Variants in CEP131 observed in about 807,000 individuals in gnomAD.
CEP131 encodes centrosomal protein 131, also known as centrosomal protein of 131 kDa.
In CEP131, 99 loss-of-function variants were observed where a neutral mutation model predicts 136.8. That is an observed-to-expected ratio of 0.72 (90% confidence interval 0.62 to 0.86). CEP131 has a LOEUF of 0.86. Among genes scored for constraint, CEP131 ranks in the 40% least tolerant of loss-of-function variants. The probability of loss-of-function intolerance (pLI) is 0.00; values close to 1 mark genes in which losing one functional copy is unlikely to be tolerated. For missense variants in CEP131, 1,459 were observed against 1,463.0 expected, an observed-to-expected ratio of 1.00 and a Z score of 0.04; for synonymous variants, 646 against 612.7, an observed-to-expected ratio of 1.05 and a Z score of -0.80.
Position 81,202,828 on chromosome 17 carries a change from G to A in CEP131, c.630-430C>T, listed in dbSNP as rs143565663. On this transcript the variant is annotated intron_variant, in intron 6 of 25. Transcript: ENST00000450824. ...AACACAAAAAAATTCGCTCGGCATG[G>A]TGGCGGGCACCTGTACTCCCAGCTA... Among the ~76,000 whole-genome samples, 517 of 152,204 alleles carry A rather than the reference G, an allele frequency of 3.4e-3. 2 individuals are homozygous for A. The highest frequency in any genetic ancestry group is 0.012 in the African/African-American group (481 of 41,514).
intron 8 of CEP131, 185 bp from the exon 9 acceptor site, chr17:81,200,020 C>G (rs966438342): frequency 1.2e-5 from 8 of 650,568 alleles, no homozygotes; most frequent in Non-Finnish European, 1.9e-5. Flanking sequence ...AGGATGAGCC[C>G]TACGTCGCAG....
intron 7 of CEP131, among the ~76,000 whole-genome samples, chr17:81,200,831 G>A (rs1330205694): frequency 6.6e-6 from 1 of 152,218 alleles, no homozygotes; most frequent in East Asian, 1.9e-4. Flanking sequence ...GGCCAGTGCA[G>A]ACCACAGGCC....
chr17:81,215,666 C>T lies in CEP131; in HGVS notation c.177+4214G>A, dbSNP rs1317251055. 6.6e-6 allele frequency among the ~76,000 whole-genome samples: 1 copy of T among 152,102 alleles called. No individual in the cohort carries two copies. Among genetic ancestry groups the T allele is most frequent in the Non-Finnish European group, 1.5e-5 (1 of 68,012 alleles). On this transcript the variant is annotated intron_variant, in intron 2 of 25. Transcript: ENST00000450824. This position sits in a 1 kb window ranked among gnomAD's most constrained non-coding sequence, Gnocchi z 4.1. ...ACCTCAAGCAATCTGCCCACCTCGG[C>T]GTCCCAAAGTGCTGGGATTACAGGC...
At chr17:81,190,122 T>C (rs1404488376) in intron 24 of CEP131, 147 bp from the exon 25 acceptor site, 1 of 709,640 alleles carries the variant, frequency 1.4e-6, no homozygotes, top group South Asian at 2.0e-5. Context: ...CCCAGACAGC[T>C]GTCCAGGCAA....
At chr17:81,212,509 G>T (rs1352923945) in intron 2 of CEP131, among the ~76,000 whole-genome samples, 1 of 151,080 alleles carries the variant, frequency 6.6e-6, no homozygotes, top group Non-Finnish European at 1.5e-5. Context: ...TAAAGGCAGA[G>T]GGGCTCTTCC....
intron 5 of CEP131, among the ~76,000 whole-genome samples, chr17:81,205,316 C>T (rs895429313): frequency 6.9e-6 from 1 of 145,246 alleles, no homozygotes; most frequent in Admixed American, 6.8e-5. Flanking sequence ...AAAGATGCTG[C>T]TCCTCAGGGG....
Position 81,198,777 on chromosome 17 carries a change from G to C in CEP131, c.1287+100C>G, listed in dbSNP as rs145550743. The C allele has an allele frequency of 6.5e-5, 80 of 1,223,610 alleles. No homozygotes were observed. In the Middle Eastern group the frequency reaches 1.1e-3, roughly 17 times the overall value. 75.8% of individuals were successfully genotyped at this position (1,223,610 alleles called of 1,614,324 possible). Reference sequence around the variant, plus strand: ...CTGAGCTTAAGTGGCCCCTAGAGCAGAGGAGGGGCTGGGAGAAGCTCAGCT... The same window carrying C: ...CTGAGCTTAAGTGGCCCCTAGAGCACAGGAGGGGCTGGGAGAAGCTCAGCT... On this transcript the variant is annotated intron_variant, in intron 11 of 25. Transcript: ENST00000450824.
rs2062323980 is a variant in CEP131 at position 81,219,055 on chromosome 17, C to T, written c.177+825G>A. 6.6e-6 allele frequency among the ~76,000 whole-genome samples: 1 copy of T among 152,166 alleles called. No homozygotes were observed. Among genetic ancestry groups the T allele is most frequent in the African/African-American group, 2.4e-5 (1 of 41,440 alleles). ...ACAGAGCGGCTCGATTCCTCCCTTG[C>T]CCCAAAGACTGGGCCTGGCAGACAC... On this transcript the variant is annotated intron_variant, in intron 2 of 25. Transcript: ENST00000450824. The surrounding 1 kb of genome is among the most constrained non-coding windows in gnomAD (Gnocchi z 4.0).
At position 81,192,977 on chromosome 17, in the gene CEP131, C is replaced by T. The variant is rs984599133; in HGVS notation, c.2322-134G>A. On this transcript the variant is annotated intron_variant, in intron 18 of 25. Transcript: ENST00000450824. ...GCCCTCCGGGGCCCTGCCCCTCCCCCTCGGCAGTCAAGGCCCCTCAAAGCC... is the reference window on the plus strand; with the variant it reads ...GCCCTCCGGGGCCCTGCCCCTCCCCTTCGGCAGTCAAGGCCCCTCAAAGCC... The T allele has an allele frequency of 2.1e-6, 3 of 1,404,982 alleles. No homozygotes were observed. In the South Asian group the frequency reaches 4.3e-5, roughly 20 times the overall value. The allele number at this position is 1,404,982 out of a possible 1,614,324, so 87.0% of individuals were successfully genotyped here. A position where few individuals can be genotyped will look rare whatever the true frequency, so the allele number is the denominator to read the frequency against.
At position 81,197,796 on chromosome 17, in the gene CEP131, T is replaced by A; in HGVS notation, c.1563A>T (p.Leu521=). 6.2e-7 allele frequency: 1 copy of A among 1,613,324 alleles called. No individual in the cohort carries two copies. The highest frequency in any genetic ancestry group is 8.5e-7 in the Non-Finnish European group (1 of 1,179,948). ...TGATGCTTTGTAGCTTGGCCTCCGATAGCAGCGTCCCATCCTCAGGAGGTT... is the reference window on the plus strand; with the variant it reads ...TGATGCTTTGTAGCTTGGCCTCCGAAAGCAGCGTCCCATCCTCAGGAGGTT... ...FPEPPEDGTL[L]SEAKLQSIMS... is the part of the protein sequence containing the mutation. The change falls in exon 13 of 26, where the codon CTA becomes CTT. Residue 521 remains leucine, a synonymous_variant. Coordinates refer to ENST00000450824, the MANE Select transcript of CEP131 (RefSeq NM_014984.4).
chr17:81,214,146 C>T (rs2062191975), intron 2 of CEP131, among the ~76,000 whole-genome samples: 2 of 152,208 alleles, frequency 1.3e-5, no homozygotes, highest in African/African-American at 4.8e-5. Context: ...TTGTACACGT[C>T]CCATCATAAT....
Position 81,198,501 on chromosome 17 carries a change from G to A in CEP131, c.1288-204C>T, listed in dbSNP as rs566313151. ...AACCCAGAGCAGCTCCAGCCACCAG[G>A]GGACTCCTCCCAGTGCCCCACTCCA... is the stretch of plus-strand genomic sequence containing the variant. On this transcript the variant is annotated intron_variant, in intron 11 of 25. Coordinates refer to ENST00000450824, the MANE Select transcript of CEP131 (RefSeq NM_014984.4). 5.3e-5 allele frequency among the ~76,000 whole-genome samples: 8 copies of A among 152,284 alleles called. No individual in the cohort carries two copies. In the East Asian group the frequency reaches 9.7e-4, roughly 18 times the overall value.
Position 81,197,049 on chromosome 17 carries a change from C to T in CEP131, c.1654G>A (p.Val552Met), listed in dbSNP as rs1567855836. 6.3e-7 allele frequency: 1 copy of T among 1,586,500 alleles called. No individual in the cohort carries two copies. The highest frequency in any genetic ancestry group is 8.6e-7 in the Non-Finnish European group (1 of 1,166,786). Residue 552 changes from valine (V) to methionine (M), a missense_variant, in exon 14 of 26, where the codon GTG becomes ATG. Around this residue, in one of 3 missense-constraint regions of CEP131, gnomAD observed 1,026 missense variants for 964.2 expected, o/e 1.06. Transcript: ENST00000450824. ...DQLDSQQEGW[V>M]PEAGPGPLEL... is the part of the protein sequence containing the mutation. ...AGGGGCCCCGGCCCCGCCTCCGGCA[C>T]CCACCCCTGCAGACACAGCCGAGCG... is the stretch of plus-strand genomic sequence containing the variant.
At position 81,219,815 on chromosome 17, in the gene CEP131, A is replaced by C. The variant is rs968366643; in HGVS notation, c.177+65T>G. The stretch of plus-strand genomic sequence containing the variant: ...ACCTGTGGAGCTGGACCCAGGGGTC[A>C]GATGCCAACTGAACAACAGCCCTCC... On this transcript the variant is annotated intron_variant, in intron 2 of 25. Coordinates refer to ENST00000450824, the MANE Select transcript of CEP131 (RefSeq NM_014984.4). This position sits in a 1 kb window ranked among gnomAD's most constrained non-coding sequence, Gnocchi z 4.0. 2 of 1,447,430 alleles carry C rather than the reference A, an allele frequency of 1.4e-6. No homozygotes were observed. The highest frequency in any genetic ancestry group is 1.8e-6 in the Non-Finnish European group (2 of 1,085,916). The allele number at this position is 1,447,430 out of a possible 1,614,324, so 89.7% of individuals were successfully genotyped here. A position where few individuals can be genotyped will look rare whatever the true frequency, so the allele number is the denominator to read the frequency against.
At chr17:81,197,464 G>A in intron 13 of CEP131, 1 of 585,102 alleles carries the variant, frequency 1.7e-6, no homozygotes, top group South Asian at 2.1e-5. Context: ...GGGTAGGTGG[G>A]GGCAGTATGG....
rs550167944 is a variant in CEP131, at chr17:81,212,259, T to G, written c.178-3237A>C. On this transcript the variant is annotated intron_variant, in intron 2 of 25. Transcript: ENST00000450824. ...AATCACTTGAACTGGGAGGCGGAGG[T>G]TGCAGTGAGCCGAGATTGCGCTACT... is the stretch of plus-strand genomic sequence containing the variant. Among the ~76,000 whole-genome samples the G allele has an allele frequency of 5.6e-4, 84 of 149,772 alleles. No individual in the cohort carries two copies. The Middle Eastern group carries it at 0.01, about 18-fold the overall frequency.
In CEP131 at chr17:81,206,889, C is replaced by T; in HGVS notation, c.388-18G>A. On this transcript the variant is annotated intron_variant, in intron 4 of 25. Transcript: ENST00000450824. ...TGGTCATCCTGTCAGACAGCTCAGC[C>T]CATGACACCGCCCGCACACACCCAG... The T allele has an allele frequency of 6.2e-7, 1 of 1,610,472 alleles. No homozygotes were observed. The highest frequency in any genetic ancestry group is 8.5e-7 in the Non-Finnish European group (1 of 1,178,884).
rs1360973558 is a variant in CEP131, at chr17:81,208,407, GT to G, written c.272+520del. ...CGCCCACCACTCTGGGCTAGAGGATGTCCCCCCGGAGGCTGCTGGCCACCAC... is the reference window on the plus strand; with the variant it reads ...CGCCCACCACTCTGGGCTAGAGGATGCCCCCCGGAGGCTGCTGGCCACCAC... On this transcript the variant is annotated intron_variant, in intron 3 of 25. Coordinates refer to ENST00000450824, the MANE Select transcript of CEP131 (RefSeq NM_014984.4). This position sits in a 1 kb window ranked among gnomAD's most constrained non-coding sequence, Gnocchi z 5.6. Among the ~76,000 whole-genome samples the G allele has an allele frequency of 6.6e-6, 1 of 152,130 alleles. No individual in the cohort carries two copies. Among genetic ancestry groups the G allele is most frequent in the Non-Finnish European group, 1.5e-5 (1 of 68,014 alleles).
At chr17:81,194,179 A>T (rs1193347071) in intron 17 of CEP131, 52 bp from the exon 18 acceptor site, 4 of 1,433,120 alleles carry the variant, frequency 2.8e-6, no homozygotes, top group Non-Finnish European at 3.7e-6. Flanking sequence ...GGGCCCGGGA[A>T]GTCCAACCCT....
Sources: gnomAD v4.1 joint callset for allele counts (sites outside exome capture counted in the v4.1 genomes callset) on GRCh38, gnomAD v4.1.1 for gene constraint, gnomAD v4.1.1 regional missense constraint, Gnocchi (gnomAD v3.1) non-coding constraint, MANE v1.5 for transcripts, NCBI Gene and HGNC (gene_info 2026-07-23, HGNC 2026-07-21) for gene names.